NCALD: variants seen among roughly 807,000 people sequenced by gnomAD.
NCALD encodes the protein neurocalcin delta.
In NCALD, 10 loss-of-function variants were observed where a neutral mutation model predicts 18.6. The observed-to-expected ratio is 0.54, with a 90% CI of 0.33 to 0.91. NCALD has a LOEUF of 0.91. Among genes scored for constraint, NCALD ranks in the 40% least tolerant of loss-of-function variants. The pLI is 0.03. For missense variants in NCALD, 184 were observed against 247.6 expected, an observed-to-expected ratio of 0.74 and a Z score of 1.72; for synonymous variants, 88 against 87.4, an observed-to-expected ratio of 1.01 and a Z score of -0.04.
chr8:101,759,384 A>G (rs1811020991), intron 1 of NCALD, among the ~76,000 whole-genome samples: 1 of 152,144 alleles, frequency 6.6e-6, no homozygotes, highest in South Asian at 2.1e-4. Context: ...GGGAAGGAAG[A>G]AGAGAGTCAG....
chr8:102,103,640 G>T (rs192563201), intron 1 of NCALD, among the ~76,000 whole-genome samples: 7 of 152,150 alleles, frequency 4.6e-5, no homozygotes, highest in African/African-American at 1.4e-4. Context: ...CTGCAGCCTT[G>T]ACCTCATGGG....
In NCALD at chr8:101,803,939, A is replaced by G. The variant is rs112578756; in HGVS notation, c.-20+83202T>C. Among the ~76,000 whole-genome samples, 866 of 152,310 alleles carry G rather than the reference A, an allele frequency of 5.7e-3. 10 individuals are homozygous for G. The highest frequency in any genetic ancestry group is 0.018 in the African/African-American group (761 of 41,564). ...ATCAAACAGCACTGCATGCTACAGC[A>G]AAATCCATGATGAAAGGAAGAGCCA... On this transcript the variant is annotated intron_variant, in intron 4 of 6. Coordinates refer to the NCALD transcript ENST00000311028.
intron 3 of NCALD, among the ~76,000 whole-genome samples, chr8:101,900,069 C>A (rs1349631807): frequency 2.6e-5 from 4 of 151,796 alleles, no homozygotes; most frequent in Non-Finnish European, 5.9e-5. Flanking sequence ...TCAAAATTAT[C>A]TATTTTATAT....
At chr8:101,935,832 A>AT (rs2131728417) in intron 2 of NCALD, among the ~76,000 whole-genome samples, 1 of 149,836 alleles carries the variant, frequency 6.7e-6, no homozygotes, top group African/African-American at 2.5e-5. Flanking sequence ...ATACTATGTA[A>AT]GATGATGGAA....
intron 3 of NCALD, among the ~76,000 whole-genome samples, chr8:101,690,039 T>G (rs1814648618): frequency 1.3e-5 from 2 of 152,180 alleles, no homozygotes; most frequent in African/African-American, 4.8e-5. Flanking sequence ...CATGGGTTTC[T>G]GCCTCTCAGT....
chr8:101,780,878 G>A (rs1554629501), intron 1 of NCALD, among the ~76,000 whole-genome samples: 12 of 152,022 alleles, frequency 7.9e-5, no homozygotes, highest in Non-Finnish European at 1.5e-5. Context: ...TGCTGTTTGT[G>A]ACTCTAACAA....
intron 2 of NCALD, among the ~76,000 whole-genome samples, chr8:102,008,637 TACAA>T (rs1821793504): frequency 1.3e-5 from 2 of 152,102 alleles, no homozygotes; most frequent in African/African-American, 4.8e-5. Context: ...TAGAAATCTG[TACAA>T]ACAAACCTTG....
chr8:102,054,419 A>G (rs959262299), intron 1 of NCALD, among the ~76,000 whole-genome samples: 3 of 152,344 alleles, frequency 2.0e-5, no homozygotes, highest in African/African-American at 7.2e-5. Context: ...TTCAGGTAAG[A>G]AACTTGCACC....
chr8:101,796,584 AAAAG>A (rs1357206525), intron 4 of NCALD, among the ~76,000 whole-genome samples: 1 of 152,236 alleles, frequency 6.6e-6, no homozygotes, highest in African/African-American at 2.4e-5. Flanking sequence ...CATACACAAA[AAAAG>A]AAAACTAATG....
chr8:101,989,826 C>T (rs989081944), intron 2 of NCALD, among the ~76,000 whole-genome samples: 2 of 152,160 alleles, frequency 1.3e-5, no homozygotes, highest in Non-Finnish European at 1.5e-5. Context: ...TAGGCCCTCT[C>T]GTTCTCCTGG....
intron 3 of NCALD, chr8:101,690,545 A>G: frequency 7.1e-6 from 7 of 985,268 alleles, no homozygotes; most frequent in Non-Finnish European, 8.4e-6. Flanking sequence ...TTATTTCTCA[A>G]CTTACTCCAA....
At chr8:102,100,219 C>T (rs1825232629) in intron 1 of NCALD, among the ~76,000 whole-genome samples, 1 of 152,058 alleles carries the variant, frequency 6.6e-6, no homozygotes, top group Admixed American at 6.5e-5. Flanking sequence ...CCAAGATGAA[C>T]AAGTTTTGTT....
At chr8:102,063,869 C>A (rs191213345) in intron 1 of NCALD, among the ~76,000 whole-genome samples, 21 of 152,314 alleles carry the variant, frequency 1.4e-4, no homozygotes, top group African/African-American at 5.1e-4. Flanking sequence ...ACAGCTCCTG[C>A]TTCATCCTGA....
chr8:101,705,457 C>T (rs1321149893), intron 2 of NCALD, among the ~76,000 whole-genome samples: 4 of 151,960 alleles, frequency 2.6e-5, no homozygotes, highest in East Asian at 1.9e-4. Flanking sequence ...TTTCCAAAAA[C>T]GGCCAGAACA....
chr8:101,995,571 ACAC>A (rs1821208213), intron 2 of NCALD, among the ~76,000 whole-genome samples: 1 of 152,084 alleles, frequency 6.6e-6, no homozygotes, highest in African/African-American at 2.4e-5. Flanking sequence ...GAGGTGCCAC[ACAC>A]TTTTATACAA....
Position 101,719,253 on chromosome 8 carries a change from T to C in NCALD, c.377A>G (p.Gln126Arg). Residue 126 changes from glutamine (Q) to arginine (R), a missense_variant and splice_region_variant, in exon 2 of 4, where the codon CAG (glutamine) becomes CGG (arginine). Coordinates refer to ENST00000220931, the MANE Select transcript of NCALD (RefSeq NM_032041.3). ...TTTTAAAGGGCTCAGTCTACGTACC[T>C]GCACGATCTCTAGCATCTCTGCCTT... is the stretch of plus-strand genomic sequence containing the variant. ...ISKAEMLEIVQAIYKMVSSVM... is the reference protein window; with the variant it reads ...ISKAEMLEIVRAIYKMVSSVM... 1 of 1,613,228 alleles carries C rather than the reference T, an allele frequency of 6.2e-7. No individual in the cohort carries two copies. The highest frequency in any genetic ancestry group is 8.5e-7 in the Non-Finnish European group (1 of 1,179,572).
intron 1 of NCALD, among the ~76,000 whole-genome samples, chr8:101,781,727 C>G (rs965833527): frequency 1.3e-5 from 2 of 152,246 alleles, no homozygotes; most frequent in South Asian, 4.1e-4. Context: ...AATATCAACG[C>G]ATTACTCTTC....
At chr8:102,090,599 TG>T (rs969939552) in intron 1 of NCALD, among the ~76,000 whole-genome samples, 52 of 152,348 alleles carry the variant, frequency 3.4e-4, no homozygotes, top group African/African-American at 1.3e-3. Flanking sequence ...TTTACTTTTT[TG>T]CTTAAAACGT....
At chr8:101,705,474 C>T (rs1034602745) in intron 2 of NCALD, among the ~76,000 whole-genome samples, 1 of 148,640 alleles carries the variant, frequency 6.7e-6, no homozygotes, top group Non-Finnish European at 1.5e-5. Context: ...AACAGGCTTT[C>T]TAATCCCACA....
Sources: allele counts gnomAD v4.1 joint callset (sites outside exome capture counted in the v4.1 genomes callset), GRCh38; gene constraint gnomAD v4.1.1; transcripts MANE v1.5; gene names NCBI Gene and HGNC (gene_info 2026-07-23, HGNC 2026-07-21).